IL23R: variants seen among roughly 807,000 people sequenced by gnomAD.
The protein encoded by IL23R is interleukin-23 receptor.
IL23R carries 34 observed loss-of-function variants against 56.9 expected under a neutral mutation model. The ratio of observed to expected loss-of-function variants is 0.60; its 90% CI spans 0.45 to 0.80. The LOEUF (loss-of-function observed/expected upper bound fraction) is 0.80, where lower values mean the gene tolerates loss of function less well. Among genes scored for constraint, IL23R ranks in the 30% least tolerant of loss-of-function variants. IL23R has a pLI of 0.00. For missense variants in IL23R, 635 were observed against 730.0 expected (o/e 0.87, Z 1.50); for synonymous variants, 230 against 249.2 (o/e 0.92, Z 0.73).
chr1:67,246,278 T>TCCAGGAAA (rs772700429), intron 9 of IL23R, among the ~76,000 whole-genome samples: 3 of 152,132 alleles, frequency 2.0e-5, no homozygotes, highest in Non-Finnish European at 2.9e-5. Flanking sequence ...GATTCATTGA[T>TCCAGGAAA]TTTTTTGAAG....
intron 7 of IL23R, among the ~76,000 whole-genome samples, chr1:67,222,102 C>CTTTTTTTT (rs72241835): frequency 4.5e-3 from 264 of 58,902 alleles, no homozygotes; most frequent in Middle Eastern, 0.012. Flanking sequence ...TTCTTTCTTT[C>CTTTTTTTT]TTTTTTTTTT....
At chr1:67,207,322 T>C (rs113309898) in intron 6 of IL23R, 49 of 517,714 alleles carry the variant, frequency 9.5e-5, no homozygotes, top group African/African-American at 8.8e-4. Context: ...TAAGCATAGT[T>C]ACCAATAATT....
chr1:67,168,266 TTA>T, intron 2 of IL23R, 76 bp downstream of exon 2: 1 of 1,084,046 alleles, frequency 9.2e-7, no homozygotes, highest in Non-Finnish European at 1.4e-6. Flanking sequence ...TTTCATGGTT[TTA>T]TGTTAGAATC....
At chr1:67,246,470 C>A (rs1360857163) in intron 9 of IL23R, among the ~76,000 whole-genome samples, 1 of 152,180 alleles carries the variant, frequency 6.6e-6, no homozygotes, top group African/African-American at 2.4e-5. Context: ...TTTCCTTCTA[C>A]ACACTGCTAT....
At chr1:67,175,083 G>T (rs1267176431) in intron 3 of IL23R, among the ~76,000 whole-genome samples, 1 of 152,112 alleles carries the variant, frequency 6.6e-6, no homozygotes, top group African/African-American at 2.4e-5. Flanking sequence ...ACACTTCTGT[G>T]GAGAGCCTCT....
At chr1:67,210,485 TAG>T (rs1489815907) in intron 6 of IL23R, among the ~76,000 whole-genome samples, 2 of 151,958 alleles carry the variant, frequency 1.3e-5, no homozygotes. Flanking sequence ...TTTTTAGAGA[TAG>T]ACTCTCACTT....
At chr1:67,241,232 C>T (rs1015208791) in intron 9 of IL23R, among the ~76,000 whole-genome samples, 9 of 152,120 alleles carry the variant, frequency 5.9e-5, no homozygotes, top group Non-Finnish European at 1.0e-4. Context: ...GTCTTTAAAC[C>T]CACTGGGAAA....
At chr1:67,170,001 C>T (rs916866410) in intron 3 of IL23R, among the ~76,000 whole-genome samples, 7 of 152,176 alleles carry the variant, frequency 4.6e-5, no homozygotes, top group East Asian at 1.9e-4. Context: ...GGGCCAGCCC[C>T]GTTAGATTTA....
chr1:67,223,719 A>T (rs1200081766), intron 7 of IL23R, among the ~76,000 whole-genome samples: 1 of 152,082 alleles, frequency 6.6e-6, no homozygotes, highest in African/African-American at 2.4e-5. Context: ...TTTCTTACTT[A>T]ATCTACCCTG....
intron 1 of IL23R, among the ~76,000 whole-genome samples, chr1:67,150,652 TAA>T (rs3052338): frequency 0.016 from 1,529 of 95,808 alleles, 18 homozygotes; most frequent in Admixed American, 0.025. Context: ...GAACTTAAAG[TAA>T]AAAAAAAAAA....
intron 3 of IL23R, among the ~76,000 whole-genome samples, chr1:67,171,247 G>GA (rs1453959636): frequency 2.0e-5 from 3 of 151,492 alleles, no homozygotes; most frequent in Non-Finnish European, 4.4e-5. Context: ...TAAGCCAGAG[G>GA]AAAAAAAAGG....
chr1:67,162,269 T>C (rs542428218), upstream of IL23R, among the ~76,000 whole-genome samples: 2 of 151,740 alleles, frequency 1.3e-5, no homozygotes, highest in Non-Finnish European at 2.9e-5. Context: ...ATTGAGACCA[T>C]CCTGGCTAAC....
At chr1:67,164,977 A>G (rs1044840775), upstream of IL23R, among the ~76,000 whole-genome samples, 3 of 152,182 alleles carry the variant, frequency 2.0e-5, no homozygotes, top group South Asian at 2.1e-4. Context: ...GGATGCCAAG[A>G]CTGGCAGATT....
chr1:67,212,259 G>T lies in IL23R; in HGVS notation c.798+5204G>T, dbSNP rs534623509. ...CACTCAAGCCAAGTCACTGTAGCCA[G>T]AATGAAGCTTTGTTTACATTTGCTA... is the stretch of plus-strand genomic sequence containing the variant. On this transcript the variant is annotated intron_variant, in intron 6 of 10. Coordinates refer to ENST00000347310, the MANE Select transcript of IL23R (RefSeq NM_144701.3). Among the ~76,000 whole-genome samples the T allele has an allele frequency of 2.6e-5, 4 of 152,326 alleles. No individual in the cohort carries two copies. The East Asian group carries it at 5.8e-4, about 22-fold the overall frequency.
chr1:67,228,378 T>G (rs1289450616), intron 7 of IL23R, among the ~76,000 whole-genome samples: 1 of 132,450 alleles, frequency 7.6e-6, no homozygotes, highest in Non-Finnish European at 1.6e-5. Flanking sequence ...TTTTTTTTTT[T>G]GTAGAGACAG....
chr1:67,247,976 G>C (rs570063217), intron 9 of IL23R, among the ~76,000 whole-genome samples: 1 of 152,294 alleles, frequency 6.6e-6, no homozygotes, highest in East Asian at 1.9e-4. Flanking sequence ...TTTCTGCTGA[G>C]ACATCTGCTT....
chr1:67,216,422 T>A (rs957754349), intron 6 of IL23R, among the ~76,000 whole-genome samples: 2 of 152,214 alleles, frequency 1.3e-5, no homozygotes, highest in Non-Finnish European at 2.9e-5. Flanking sequence ...GTAAGTGGAT[T>A]ATTGGTGACT....
At chr1:67,190,429 A>AG (rs1301826883) in intron 4 of IL23R, among the ~76,000 whole-genome samples, 10 of 94,394 alleles carry the variant, frequency 1.1e-4, no homozygotes, top group African/African-American at 3.1e-4. Context: ...GGGTAATGAT[A>AG]GGGAAAAAAA....
At chr1:67,142,882 T>G (rs116295524) in intron 1 of IL23R, among the ~76,000 whole-genome samples, 4,848 of 152,306 alleles carry the variant, frequency 0.032, 233 homozygotes, top group African/African-American at 0.11. Flanking sequence ...CTACAAAATT[T>G]CATTACAGAA....
Sources: gnomAD v4.1 joint callset for allele counts (sites outside exome capture counted in the v4.1 genomes callset) on GRCh38, gnomAD v4.1.1 for gene constraint, MANE v1.5 for transcripts, NCBI Gene and HGNC (gene_info 2026-07-23, HGNC 2026-07-21) for gene names.